The following TNFSF4 variants were observed in gnomAD, a reference collection of about 807,000 sequenced individuals.
TNFSF4 encodes the protein TNF superfamily member 4.
Under a neutral mutation model 7.3 loss-of-function variants are expected in TNFSF4, and 4 were observed. That is an observed-to-expected ratio of 0.55 (90% CI 0.27 to 1.25). The LOEUF (loss-of-function observed/expected upper bound fraction) is 1.25. Among genes scored for constraint, TNFSF4 ranks in the 50% most tolerant of loss-of-function variants. TNFSF4 has a pLI of 0.12. For missense variants in TNFSF4, 181 were observed against 208.8 expected (o/e 0.87, Z 0.82); for synonymous variants, 76 against 83.7 (o/e 0.91, Z 0.50).
chr1:173,306,098 T>C, the TNFSF4 span, among the ~76,000 whole-genome samples: 1 of 151,844 alleles, frequency 6.6e-6, no homozygotes, highest in African/African-American at 2.4e-5. Flanking sequence ...GAAATCCAAA[T>C]CTCAGTGGCA....
At chr1:173,413,777 C>A in the TNFSF4 span, among the ~76,000 whole-genome samples, 3 of 152,188 alleles carry the variant, frequency 2.0e-5, no homozygotes, top group African/African-American at 7.2e-5. Context: ...TATATCCTTT[C>A]AATAGTTCCT....
the TNFSF4 span, among the ~76,000 whole-genome samples, chr1:173,376,925 C>T: frequency 1.3e-5 from 2 of 152,140 alleles, no homozygotes; most frequent in African/African-American, 4.8e-5. Flanking sequence ...GAGGGAGGAA[C>T]AAACAACTCC....
At chr1:173,354,123 G>T in the TNFSF4 span, among the ~76,000 whole-genome samples, 2 of 151,542 alleles carry the variant, frequency 1.3e-5, no homozygotes, top group East Asian at 3.9e-4. Context: ...AAAGAGAGAA[G>T]ATTCAAATAA....
chr1:173,401,971 G>A, the TNFSF4 span, among the ~76,000 whole-genome samples: 1 of 152,168 alleles, frequency 6.6e-6, no homozygotes, highest in Non-Finnish European at 1.5e-5. Flanking sequence ...GTTTGTGCCA[G>A]CTAGAGCTCT....
the TNFSF4 span, among the ~76,000 whole-genome samples, chr1:173,373,537 C>T: frequency 6.6e-6 from 1 of 152,220 alleles, no homozygotes; most frequent in Non-Finnish European, 1.5e-5. Context: ...CTCCACCAAA[C>T]TTTTCACACG....
chr1:173,176,349 C>T, the TNFSF4 span, among the ~76,000 whole-genome samples: 3 of 152,118 alleles, frequency 2.0e-5, no homozygotes, highest in Non-Finnish European at 4.4e-5. Flanking sequence ...AATGAGGATA[C>T]TCTATCCCTC....
chr1:173,287,617 T>C, the TNFSF4 span, among the ~76,000 whole-genome samples: 4 of 152,216 alleles, frequency 2.6e-5, no homozygotes, highest in South Asian at 2.1e-4. Flanking sequence ...CGAAGATATG[T>C]ACAAGGATGT....
the TNFSF4 span, among the ~76,000 whole-genome samples, chr1:173,341,747 T>A: frequency 6.6e-6 from 1 of 152,174 alleles, no homozygotes; most frequent in Admixed American, 6.6e-5. Context: ...CAGTGCCCCA[T>A]AAATGTTGTT....
the TNFSF4 span, among the ~76,000 whole-genome samples, chr1:173,422,233 A>G: frequency 1.4e-5 from 2 of 147,752 alleles, no homozygotes; most frequent in Non-Finnish European, 3.0e-5. Context: ...GCCATTACCA[A>G]TGGGTCTAGA....
At chr1:173,225,340 T>C in the TNFSF4 span, among the ~76,000 whole-genome samples, 6 of 152,250 alleles carry the variant, frequency 3.9e-5, no homozygotes, top group Non-Finnish European at 5.9e-5. Flanking sequence ...TATGGTGGAA[T>C]GGAAAAGTCA....
the TNFSF4 span, among the ~76,000 whole-genome samples, chr1:173,176,260 T>G: frequency 1.3e-5 from 2 of 151,890 alleles, no homozygotes; most frequent in Admixed American, 1.3e-4. Context: ...GCTACCAGTA[T>G]GGACAAAAAA....
the TNFSF4 span, among the ~76,000 whole-genome samples, chr1:173,339,904 C>T: frequency 6.6e-6 from 1 of 152,136 alleles, no homozygotes; most frequent in Non-Finnish European, 1.5e-5. Flanking sequence ...GTCATCTTGA[C>T]TAGGCAAAGG....
chr1:173,213,391 C>A, the TNFSF4 span, among the ~76,000 whole-genome samples: 2 of 152,140 alleles, frequency 1.3e-5, no homozygotes, highest in East Asian at 3.9e-4. Context: ...TGAAATTTTT[C>A]TCTGAATGGA....
the TNFSF4 span, among the ~76,000 whole-genome samples, chr1:173,344,778 A>T: frequency 6.6e-6 from 1 of 152,230 alleles, no homozygotes; most frequent in Admixed American, 6.5e-5. Context: ...GCAGATACCA[A>T]ATTACTTTTT....
chr1:173,403,901 C>CAA, the TNFSF4 span, among the ~76,000 whole-genome samples: 3 of 140,846 alleles, frequency 2.1e-5, no homozygotes, highest in South Asian at 2.3e-4. Context: ...GACTGTGTCT[C>CAA]AAAAAAAAAA....
At chr1:173,311,648 C>G in the TNFSF4 span, among the ~76,000 whole-genome samples, 50,832 of 151,688 alleles carry the variant, frequency 0.34, 8,890 homozygotes, top group African/African-American at 0.4. Flanking sequence ...ACACTGGGGT[C>G]GTAGGGTAAG....
At chr1:173,311,364 G>T in the TNFSF4 span, among the ~76,000 whole-genome samples, 9 of 151,986 alleles carry the variant, frequency 5.9e-5, no homozygotes, top group Admixed American at 6.6e-5. Context: ...AATAAGTTAA[G>T]AGAATGCTAA....
chr1:173,238,328 G>T, the TNFSF4 span, among the ~76,000 whole-genome samples: 1 of 152,122 alleles, frequency 6.6e-6, no homozygotes, highest in African/African-American at 2.4e-5. Flanking sequence ...TACCATGCTG[G>T]ACATAGAAAA....
chr1:173,355,013 G>A, the TNFSF4 span, among the ~76,000 whole-genome samples: 45 of 152,308 alleles, frequency 3.0e-4, no homozygotes, highest in East Asian at 3.5e-3. Flanking sequence ...AAACCTATGC[G>A]TAGTTGGGAG....
Sources: gnomAD v4.1 joint callset for allele counts (sites outside exome capture counted in the v4.1 genomes callset) on GRCh38, gnomAD v4.1.1 for gene constraint, MANE v1.5 for transcripts, NCBI Gene and HGNC (gene_info 2026-07-23, HGNC 2026-07-21) for gene names.